Variants in SOBP observed in about 807,000 individuals in gnomAD.
SOBP encodes sine oculis-binding protein homolog.
A neutral mutation model predicts 53.6 loss-of-function variants in SOBP; 4 were observed. That is an observed-to-expected ratio of 0.07 (90% CI 0.04 to 0.17). SOBP has a LOEUF of 0.17. SOBP is among the 10% of genes least tolerant of loss of function. The probability of loss-of-function intolerance (pLI) is 1.00; values close to 1 mark genes in which losing one functional copy is unlikely to be tolerated. For synonymous variants in SOBP, 584 were observed against 522.6 expected (o/e 1.12, Z -1.60); for missense variants, 1,088 against 1,204.7 (o/e 0.90, Z 1.43).
At chr6:107,514,573 T>C (rs1783263012) in intron 3 of SOBP, 2 of 152,136 alleles carry the variant, frequency 1.3e-5, no homozygotes. Context: ...CCAGATGAAA[T>C]GTATAATTTG....
At position 107,555,897 on chromosome 6, in the gene SOBP, G is replaced by A. The variant is rs189360228; in HGVS notation, c.573+22287G>A. 1.1e-4 allele frequency among the ~76,000 whole-genome samples: 16 copies of A among 152,280 alleles called. No individual in the cohort carries two copies. The East Asian group carries it at 2.9e-3, about 28-fold the overall frequency. On this transcript the variant is annotated intron_variant, in intron 4 of 6. Transcript: ENST00000317357. Reference sequence around the variant, plus strand: ...TTTGTCTCCTCAAGAACTCTCTTGGGTTGTTTTGGAAGATATTCCTCCCCT... The same window carrying A: ...TTTGTCTCCTCAAGAACTCTCTTGGATTGTTTTGGAAGATATTCCTCCCCT...
intron 1 of SOBP, among the ~76,000 whole-genome samples, chr6:107,496,953 C>G (rs950107581): frequency 1.3e-5 from 2 of 152,208 alleles, no homozygotes; most frequent in African/African-American, 4.8e-5. Flanking sequence ...AGAAAGACAG[C>G]TCAGACTCAG....
At chr6:107,607,571 A>G (rs559852280) in intron 5 of SOBP, among the ~76,000 whole-genome samples, 245 of 152,296 alleles carry the variant, frequency 1.6e-3, no homozygotes, top group Non-Finnish European at 2.9e-3. Context: ...TAGCAAGCAT[A>G]TGCTAGCACT....
intron 6 of SOBP, among the ~76,000 whole-genome samples, chr6:107,642,362 A>G (rs1771365979): frequency 6.6e-6 from 1 of 152,258 alleles, no homozygotes; most frequent in Admixed American, 6.5e-5. Context: ...CTAGTGAAAA[A>G]TGACTGGAGC....
rs746140922 is a variant in SOBP, at chr6:107,490,654, A to G, written c.38A>G (p.Asn13Ser). Reference protein sequence around the residue: ...EMEKEGRPPENKRSRKPAHPV... With the variant: ...EMEKEGRPPESKRSRKPAHPV... ...GAGAAAGAAGGGAGACCTCCCGAAA[A>G]TAAACGGAGCAGGAAGCCGGCTCAC... Residue 13 changes from asparagine to serine, a missense_variant, in exon 1 of 7, where the codon AAT becomes AGT. Asn to Ser is a conservative substitution (Grantham distance 46). Transcript: ENST00000317357. 28 of 1,608,968 alleles carry G rather than the reference A, an allele frequency of 1.7e-5. No homozygotes were observed. The East Asian group carries it at 6.0e-4, about 35-fold the overall frequency.
intron 4 of SOBP, among the ~76,000 whole-genome samples, chr6:107,537,904 A>C (rs151067003): frequency 6.6e-6 from 1 of 152,176 alleles, no homozygotes. Context: ...GAAGAAACCA[A>C]TGTGGCTCAG....
rs1483939481 is a variant in SOBP, at chr6:107,635,509, G to A, written c.*3+40G>A. 1.2e-6 allele frequency: 2 copies of A among 1,609,076 alleles called. No individual in the cohort carries two copies. Among genetic ancestry groups the A allele is most frequent in the African/African-American group, 1.3e-5 (1 of 75,046 alleles). ...CGGGCGCTCCTCCACACCAGCCAGT[G>A]CACCTCTCCTTACTTCTGACAAGGC... On this transcript the variant is annotated intron_variant, in intron 6 of 6. Transcript: ENST00000317357. This position sits in a 1 kb window ranked among gnomAD's most constrained non-coding sequence, Gnocchi z 4.5.
chr6:107,511,946 C>G (rs1783182434), intron 3 of SOBP, among the ~76,000 whole-genome samples: 1 of 152,026 alleles, frequency 6.6e-6, no homozygotes, highest in South Asian at 2.1e-4. Context: ...CTTTTGCTTT[C>G]CCCCTCCCCC....
chr6:107,545,297 A>G (rs1349055215), intron 4 of SOBP, among the ~76,000 whole-genome samples: 1 of 152,196 alleles, frequency 6.6e-6, no homozygotes, highest in African/African-American at 2.4e-5. Flanking sequence ...CGTTAATACA[A>G]GGGCAGACAG....
At position 107,530,904 on chromosome 6, in the gene SOBP, C is replaced by T. The variant is rs190661571; in HGVS notation, c.422-2555C>T. On this transcript the variant is annotated intron_variant, in intron 3 of 6. Transcript: ENST00000317357. Reference sequence around the variant, plus strand: ...TGTTTTAAAATTCTACCTTTTTGTTCGTTTATTTGTTAGGTCCTTTGTAAG... The same window carrying T: ...TGTTTTAAAATTCTACCTTTTTGTTTGTTTATTTGTTAGGTCCTTTGTAAG... 3.5e-4 allele frequency among the ~76,000 whole-genome samples: 54 copies of T among 152,226 alleles called. No homozygotes were observed. The East Asian group carries it at 8.1e-3, about 23-fold the overall frequency.
At chr6:107,574,258 A>G (rs1038180570) in intron 4 of SOBP, among the ~76,000 whole-genome samples, 2 of 152,166 alleles carry the variant, frequency 1.3e-5, no homozygotes, top group Non-Finnish European at 2.9e-5. Context: ...GCCTGTTTTT[A>G]TTAAGAAGGG....
At chr6:107,539,946 A>G (rs1784106247) in intron 4 of SOBP, among the ~76,000 whole-genome samples, 1 of 152,242 alleles carries the variant, frequency 6.6e-6, no homozygotes, top group African/African-American at 2.4e-5. Flanking sequence ...GACTTTATTA[A>G]TAAAAAACAG....
chr6:107,620,932 T>C (rs2115118965), intron 5 of SOBP, among the ~76,000 whole-genome samples: 1 of 152,278 alleles, frequency 6.6e-6, no homozygotes, highest in South Asian at 2.1e-4. Context: ...GCATCTCATT[T>C]CCTCCTTCAG....
chr6:107,607,849 G>C (rs911729607), intron 5 of SOBP, among the ~76,000 whole-genome samples: 9 of 152,208 alleles, frequency 5.9e-5, no homozygotes, highest in African/African-American at 2.2e-4. Context: ...GACACACTGT[G>C]TCAATCCAGA....
At chr6:107,518,755 T>TTTG (rs1562585581) in intron 3 of SOBP, among the ~76,000 whole-genome samples, 1 of 117,464 alleles carries the variant, frequency 8.5e-6, no homozygotes, top group East Asian at 2.0e-4. Context: ...AGGCTGTTTT[T>TTTG]TTTTTTTTTT....
chr6:107,557,253 A>G (rs1784639818), intron 4 of SOBP, among the ~76,000 whole-genome samples: 1 of 152,242 alleles, frequency 6.6e-6, no homozygotes, highest in Non-Finnish European at 1.5e-5. Context: ...TAAAAATGGA[A>G]ACATATAAAA....
chr6:107,509,612 A>G (rs544163424), intron 3 of SOBP, among the ~76,000 whole-genome samples: 2 of 152,320 alleles, frequency 1.3e-5, no homozygotes, highest in Admixed American at 6.5e-5. Context: ...TGAGGCTAAC[A>G]TAAGTTTGGC....
rs185447611 is a variant in SOBP at position 107,500,528 on chromosome 6, T to A, written c.97-3129T>A. The stretch of plus-strand genomic sequence containing the variant: ...CCTTGAAATTTAAATTTAAAAAAAA[T>A]TTTTTTTTTTTGAGAAGGAATCTCT... On this transcript the variant is annotated intron_variant, in intron 1 of 6. Transcript: ENST00000317357. Among the ~76,000 whole-genome samples, 806 of 147,626 alleles carry A rather than the reference T, an allele frequency of 5.5e-3. 6 individuals carry two copies. Among genetic ancestry groups the A allele is most frequent in the African/African-American group, 0.018 (740 of 40,890 alleles).
intron 4 of SOBP, among the ~76,000 whole-genome samples, chr6:107,585,552 A>G (rs759160925): frequency 2.0e-4 from 31 of 152,328 alleles, no homozygotes; most frequent in Admixed American, 3.9e-4. Flanking sequence ...TCTGTCGCAT[A>G]TAGCCAATCC....
Sources: allele counts gnomAD v4.1 joint callset (sites outside exome capture counted in the v4.1 genomes callset), GRCh38; gene constraint gnomAD v4.1.1; non-coding constraint Gnocchi (gnomAD v3.1); transcripts MANE v1.5; gene names NCBI Gene and HGNC (gene_info 2026-07-23, HGNC 2026-07-21).